Variants in FNDC3B observed in about 807,000 individuals in gnomAD.
FNDC3B encodes fibronectin type III domain-containing protein 3B.
In FNDC3B, 12 loss-of-function variants were observed where a neutral mutation model predicts 151.5. The ratio of observed to expected loss-of-function variants is 0.08; its 90% CI spans 0.05 to 0.13. FNDC3B has a LOEUF of 0.13. FNDC3B is among the 10% of genes least tolerant of loss of function. FNDC3B has a pLI of 1.00. For missense variants in FNDC3B, 1,214 were observed against 1,505.3 expected, an observed-to-expected ratio of 0.81 and a Z score of 3.20; for synonymous variants, 528 against 549.0, an observed-to-expected ratio of 0.96 and a Z score of 0.54.
chr3:172,353,339 A>T (rs1217214332), intron 22 of FNDC3B, among the ~76,000 whole-genome samples: 1 of 152,188 alleles, frequency 6.6e-6, no homozygotes, highest in Non-Finnish European at 1.5e-5. Flanking sequence ...TCAAATCCTC[A>T]AGTCAGTCCT....
At chr3:172,396,108 A>AT (rs1201362418) in intron 25 of FNDC3B, among the ~76,000 whole-genome samples, 1 of 152,206 alleles carries the variant, frequency 6.6e-6, no homozygotes, top group Non-Finnish European at 1.5e-5. Context: ...TATTAATAGC[A>AT]TTTTTATTAT....
intron 1 of FNDC3B, among the ~76,000 whole-genome samples, chr3:172,061,148 C>G (rs1184504529): frequency 6.6e-6 from 1 of 152,050 alleles, no homozygotes; most frequent in East Asian, 1.9e-4. Context: ...TTGCAGAGCC[C>G]ATCCTATATG....
At chr3:172,201,758 A>G (rs1725170003) in intron 3 of FNDC3B, among the ~76,000 whole-genome samples, 1 of 152,190 alleles carries the variant, frequency 6.6e-6, no homozygotes, top group Non-Finnish European at 1.5e-5. Flanking sequence ...TCATGTTTTC[A>G]TGGCAGGGTT....
chr3:172,275,108 C>T (rs1445495908), intron 6 of FNDC3B, among the ~76,000 whole-genome samples: 1 of 152,128 alleles, frequency 6.6e-6, no homozygotes, highest in Non-Finnish European at 1.5e-5. Context: ...GCTCAATAAG[C>T]TCACTGTTGT....
chr3:172,337,533 T>G, intron 16 of FNDC3B, 132 bp downstream of exon 16: 1 of 644,534 alleles, frequency 1.6e-6, no homozygotes, highest in Non-Finnish European at 2.7e-6. Context: ...TAAACAAACT[T>G]TAGTCACATA....
intron 2 of FNDC3B, among the ~76,000 whole-genome samples, chr3:172,114,711 C>A (rs936921265): frequency 3.9e-5 from 6 of 152,102 alleles, no homozygotes; most frequent in Non-Finnish European, 8.8e-5. Flanking sequence ...CAAAGTGAGA[C>A]CCCATCTCTA....
chr3:172,156,466 G>T (rs1172707072), intron 3 of FNDC3B, among the ~76,000 whole-genome samples: 4 of 152,238 alleles, frequency 2.6e-5, no homozygotes, highest in African/African-American at 9.6e-5. Context: ...GTTGCTGCCT[G>T]AAGGCTGGCA....
intron 7 of FNDC3B, among the ~76,000 whole-genome samples, chr3:172,294,581 T>C (rs115813894): frequency 0.032 from 4,854 of 152,228 alleles, 264 homozygotes; most frequent in African/African-American, 0.11. Context: ...GATTGCAATC[T>C]GACATGAGAT....
At chr3:172,054,054 C>T (rs1716799517) in intron 1 of FNDC3B, among the ~76,000 whole-genome samples, 1 of 152,214 alleles carries the variant, frequency 6.6e-6, no homozygotes, top group Admixed American at 6.5e-5. Context: ...ACTGGTAAAA[C>T]AGTTCTGTTC....
At chr3:172,374,715 A>T (rs556084041) in intron 23 of FNDC3B, among the ~76,000 whole-genome samples, 134 of 152,252 alleles carry the variant, frequency 8.8e-4, no homozygotes, top group Admixed American at 1.5e-3. Flanking sequence ...TTATTAACCC[A>T]TTTAAACCTC....
At chr3:172,083,277 C>G (rs969952707) in intron 1 of FNDC3B, among the ~76,000 whole-genome samples, 1 of 152,226 alleles carries the variant, frequency 6.6e-6, no homozygotes, top group African/African-American at 2.4e-5. Context: ...ACTGGCATGC[C>G]TATGTTGGTT....
At chr3:172,222,288 A>G (rs1726316905) in intron 3 of FNDC3B, among the ~76,000 whole-genome samples, 1 of 152,242 alleles carries the variant, frequency 6.6e-6, no homozygotes, top group Non-Finnish European at 1.5e-5. Flanking sequence ...AAAGTGCCTG[A>G]AATTATAGTA....
chr3:172,281,213 TTATATTTATTTATTTA>T (rs779944445), intron 6 of FNDC3B, among the ~76,000 whole-genome samples: 78 of 104,262 alleles, frequency 7.5e-4, no homozygotes, highest in Admixed American at 2.4e-3. Flanking sequence ...TTATTATTAT[TTATATTTATTTATTTA>T]TTTATTTATT....
intron 22 of FNDC3B, among the ~76,000 whole-genome samples, chr3:172,357,443 T>C (rs948190216): frequency 6.6e-6 from 1 of 152,214 alleles, no homozygotes; most frequent in African/African-American, 2.4e-5. Flanking sequence ...CTTCTCAAGT[T>C]TGGGTTTTGG....
At chr3:172,199,651 T>C (rs1029485668) in intron 3 of FNDC3B, among the ~76,000 whole-genome samples, 11 of 152,196 alleles carry the variant, frequency 7.2e-5, no homozygotes, top group Admixed American at 6.5e-4. Flanking sequence ...AGAATTAAAT[T>C]CCTGTGGCAT....
At chr3:172,344,876 ATAATGAGCAGTGGGAG>A (rs1733528109) in intron 19 of FNDC3B, among the ~76,000 whole-genome samples, 1 of 152,200 alleles carries the variant, frequency 6.6e-6, no homozygotes, top group Non-Finnish European at 1.5e-5. Flanking sequence ...GGGGAGATGA[ATAATGAGCAGTGGGAG>A]TCCCAGTAAC....
intron 10 of FNDC3B, among the ~76,000 whole-genome samples, chr3:172,310,194 G>A (rs560910445): frequency 6.6e-6 from 1 of 152,172 alleles, no homozygotes; most frequent in South Asian, 2.1e-4. Context: ...CCTTCCCATT[G>A]TTAAAAACCC....
At chr3:172,122,160 GATTTA>G (rs1464153670) in intron 2 of FNDC3B, among the ~76,000 whole-genome samples, 1 of 152,146 alleles carries the variant, frequency 6.6e-6, no homozygotes, top group Non-Finnish European at 1.5e-5. Context: ...CCAAATGATT[GATTTA>G]AACATATGAC....
chr3:172,313,614 T>G (rs1731631050), intron 11 of FNDC3B, among the ~76,000 whole-genome samples: 1 of 152,238 alleles, frequency 6.6e-6, no homozygotes, highest in Non-Finnish European at 1.5e-5. Flanking sequence ...GTGATAGCTG[T>G]GATAGCTGAA....
Sources: allele counts gnomAD v4.1 joint callset (sites outside exome capture counted in the v4.1 genomes callset), GRCh38; gene constraint gnomAD v4.1.1; transcripts MANE v1.5; gene names NCBI Gene and HGNC (gene_info 2026-07-23, HGNC 2026-07-21).